The following RALGAPA2 variants were observed in gnomAD, a reference collection of about 807,000 sequenced individuals.
RALGAPA2 encodes the protein Ral GTPase activating protein catalytic subunit alpha 2, also known as ral GTPase-activating protein subunit alpha-2.
In RALGAPA2, 139 loss-of-function variants were observed where a neutral mutation model predicts 230.4. The ratio of observed to expected loss-of-function variants is 0.60; its 90% CI spans 0.53 to 0.69. RALGAPA2 has a LOEUF of 0.69. Among genes scored for constraint, RALGAPA2 ranks in the 30% least tolerant of loss-of-function variants. The probability of loss-of-function intolerance (pLI) is 0.00; values close to 1 mark genes in which losing one functional copy is unlikely to be tolerated. For synonymous variants in RALGAPA2, 847 were observed against 837.8 expected, an observed-to-expected ratio of 1.01 and a Z score of -0.19; for missense variants, 2,163 against 2,276.0, an observed-to-expected ratio of 0.95 and a Z score of 1.01.
Position 20,393,266 on chromosome 20 carries a change from C to A in RALGAPA2, c.*36-13G>T. 1 of 1,331,516 alleles carries A rather than the reference C, an allele frequency of 7.5e-7. No homozygotes were observed. The highest frequency in any genetic ancestry group is 9.9e-7 in the Non-Finnish European group (1 of 1,005,038). 82.5% of individuals were successfully genotyped at this position (1,331,516 alleles called of 1,614,324 possible). On this transcript the variant is annotated splice_polypyrimidine_tract_variant and intron_variant, in intron 39 of 39. Coordinates refer to ENST00000202677, the MANE Select transcript of RALGAPA2 (RefSeq NM_020343.4). ...GAGGCCAGGGCCCCTGCAAAGGAAG[C>A]AGAGAACTGCTAAGTCATGGAGGCA...
At chr20:20,651,880 T>C (rs925575410) in intron 4 of RALGAPA2, among the ~76,000 whole-genome samples, 1 of 152,210 alleles carries the variant, frequency 6.6e-6, no homozygotes, top group Non-Finnish European at 1.5e-5. Flanking sequence ...TACGGTACCA[T>C]GGAGCACCAC....
chr20:20,451,899 A>G (rs1241821763), intron 37 of RALGAPA2, among the ~76,000 whole-genome samples: 1 of 152,226 alleles, frequency 6.6e-6, no homozygotes, highest in Admixed American at 6.5e-5. Context: ...TCCACAAAAG[A>G]ATCAACATTC....
chr20:20,413,157 G>A (rs577630212), intron 37 of RALGAPA2, among the ~76,000 whole-genome samples: 2 of 152,290 alleles, frequency 1.3e-5, no homozygotes, highest in South Asian at 2.1e-4. Context: ...GGGAACACAG[G>A]GAATGCGGAT....
intron 37 of RALGAPA2, among the ~76,000 whole-genome samples, chr20:20,419,392 A>G (rs1349663360): frequency 2.0e-5 from 3 of 152,346 alleles, no homozygotes; most frequent in South Asian, 2.1e-4. Flanking sequence ...TAAAAGGTCT[A>G]TGTTTGGGTG....
At chr20:20,696,684 T>A in intron 1 of RALGAPA2, among the ~76,000 whole-genome samples, 1 of 151,582 alleles carries the variant, frequency 6.6e-6, no homozygotes, top group African/African-American at 2.4e-5. Context: ...TATTTATGAC[T>A]CAGATCCTGG....
intron 12 of RALGAPA2, 29 bp downstream of exon 12, chr20:20,619,248 G>T: frequency 6.4e-7 from 1 of 1,565,668 alleles, no homozygotes; most frequent in African/African-American, 1.3e-5. Flanking sequence ...GGCGGTGGAG[G>T]GGTCTTCATG....
At chr20:20,498,908 G>A (rs1391208366) in intron 35 of RALGAPA2, among the ~76,000 whole-genome samples, 1 of 152,180 alleles carries the variant, frequency 6.6e-6, no homozygotes, top group Non-Finnish European at 1.5e-5. Context: ...AACCCCTACA[G>A]CAGTTAGATT....
intron 22 of RALGAPA2, 112 bp downstream of exon 22, chr20:20,571,736 T>A: frequency 6.9e-7 from 1 of 1,458,418 alleles, no homozygotes; most frequent in Non-Finnish European, 9.4e-7. Flanking sequence ...GTTACTTTAG[T>A]AAGACCCAGC....
chr20:20,691,998 C>T (rs1020506875), intron 1 of RALGAPA2, among the ~76,000 whole-genome samples: 8 of 152,128 alleles, frequency 5.3e-5, no homozygotes, highest in Non-Finnish European at 1.2e-4. Flanking sequence ...CTGGCACCAC[C>T]TCCTCTCTCT....
At chr20:20,489,896 C>T (rs2062007957) in intron 36 of RALGAPA2, among the ~76,000 whole-genome samples, 1 of 152,192 alleles carries the variant, frequency 6.6e-6, no homozygotes, top group Non-Finnish European at 1.5e-5. Flanking sequence ...TACCATTTGC[C>T]ATTTGGTATG....
intron 14 of RALGAPA2, among the ~76,000 whole-genome samples, chr20:20,610,025 G>C (rs2065931861): frequency 6.6e-6 from 1 of 152,146 alleles, no homozygotes. Context: ...CCGTTATCTT[G>C]TGTTACAATG....
intron 23 of RALGAPA2, among the ~76,000 whole-genome samples, chr20:20,560,921 T>C (rs2064238934): frequency 6.6e-6 from 1 of 152,234 alleles, no homozygotes; most frequent in East Asian, 1.9e-4. Context: ...GGCCTAACTA[T>C]CTTTCCCTTC....
intron 36 of RALGAPA2, among the ~76,000 whole-genome samples, chr20:20,486,153 A>G (rs1488277767): frequency 6.6e-6 from 1 of 152,142 alleles, no homozygotes; most frequent in Non-Finnish European, 1.5e-5. Flanking sequence ...AAAAGAATAA[A>G]AAAAACAGAT....
At position 20,621,420 on chromosome 20, in the gene RALGAPA2, C is replaced by T. The variant is rs561146687; in HGVS notation, c.1234-790G>A. On this transcript the variant is annotated intron_variant, in intron 10 of 39. Coordinates refer to ENST00000202677, the MANE Select transcript of RALGAPA2 (RefSeq NM_020343.4). The stretch of plus-strand genomic sequence containing the variant: ...ATCAGCCATGGTGGGAGTGGTTCTA[C>T]TACAGAAGTCAGCATCTGTTACAAA... Among the ~76,000 whole-genome samples the T allele has an allele frequency of 4.6e-5, 7 of 151,702 alleles. No homozygotes were observed. In the South Asian group the frequency reaches 1.2e-3, roughly 27 times the overall value.
intron 38 of RALGAPA2, among the ~76,000 whole-genome samples, chr20:20,397,231 CAG>C (rs1243239858): frequency 6.6e-6 from 1 of 152,242 alleles, no homozygotes; most frequent in East Asian, 1.9e-4. Flanking sequence ...GAGTTATACA[CAG>C]TGTGTTAATA....
At chr20:20,411,686 A>G (rs917111006) in intron 38 of RALGAPA2, among the ~76,000 whole-genome samples, 1 of 152,124 alleles carries the variant, frequency 6.6e-6, no homozygotes, top group Middle Eastern at 3.2e-3. Context: ...CTCTTTTTTG[A>G]TAAGTAAGCA....
chr20:20,662,996 G>T (rs2067832270), intron 3 of RALGAPA2, among the ~76,000 whole-genome samples: 1 of 152,352 alleles, frequency 6.6e-6, no homozygotes, highest in Middle Eastern at 3.4e-3. Flanking sequence ...CAGGTGATAA[G>T]TGATAGAGAA....
chr20:20,663,809 C>T (rs2067865344), intron 3 of RALGAPA2, among the ~76,000 whole-genome samples: 1 of 152,138 alleles, frequency 6.6e-6, no homozygotes, highest in Non-Finnish European at 1.5e-5. Flanking sequence ...CCAGGCTGGC[C>T]TCAAACTCCT....
At chr20:20,640,471 C>T (rs544715816) in intron 6 of RALGAPA2, among the ~76,000 whole-genome samples, 3 of 152,196 alleles carry the variant, frequency 2.0e-5, no homozygotes, top group South Asian at 2.1e-4. Flanking sequence ...CTGTCCCCTC[C>T]TATTCCTGCT....
Sources: gnomAD v4.1 joint callset for allele counts (sites outside exome capture counted in the v4.1 genomes callset) on GRCh38, gnomAD v4.1.1 for gene constraint, MANE v1.5 for transcripts, NCBI Gene and HGNC (gene_info 2026-07-23, HGNC 2026-07-21) for gene names.